Variants in NFATC2 observed in about 807,000 individuals in gnomAD.
NFATC2 encodes the protein nuclear factor of activated T cells 2.
In NFATC2, 22 loss-of-function variants were observed where a neutral mutation model predicts 87.3. The observed-to-expected ratio is 0.25, with a 90% CI of 0.18 to 0.36. NFATC2 has a LOEUF of 0.36. Among genes scored for constraint, NFATC2 ranks in the 10% least tolerant of loss-of-function variants. The pLI is 1.00. For missense variants in NFATC2, 1,149 were observed against 1,259.1 expected (o/e 0.91, Z 1.32); for synonymous variants, 565 against 542.2 (o/e 1.04, Z -0.58).
At chr20:51,540,335 G>A (rs532852439) in intron 1 of NFATC2, among the ~76,000 whole-genome samples, 28 of 152,264 alleles carry the variant, frequency 1.8e-4, no homozygotes, top group African/African-American at 6.7e-4. Context: ...CTCTTGATAC[G>A]ATGTGATGAG....
At chr20:51,398,007 G>A (rs1036058823) in intron 10 of NFATC2, among the ~76,000 whole-genome samples, 1 of 152,186 alleles carries the variant, frequency 6.6e-6, no homozygotes, top group Non-Finnish European at 1.5e-5. Flanking sequence ...GCTCCTCTGT[G>A]GAGGCCCATC....
intron 9 of NFATC2, among the ~76,000 whole-genome samples, chr20:51,420,627 C>T (rs1980741195): frequency 6.6e-6 from 1 of 151,990 alleles, no homozygotes; most frequent in Middle Eastern, 3.2e-3. Flanking sequence ...GGGGAAGAAC[C>T]TCCCCATCAA....
At chr20:51,475,377 G>C in intron 4 of NFATC2, 81 bp downstream of exon 4, 1 of 1,349,878 alleles carries the variant, frequency 7.4e-7, no homozygotes, top group Non-Finnish European at 1.1e-6. Flanking sequence ...GTTCTGTAGA[G>C]TCCCCTCTCC....
chr20:51,517,308 G>T (rs549375431), intron 2 of NFATC2, among the ~76,000 whole-genome samples: 13 of 152,248 alleles, frequency 8.5e-5, no homozygotes, highest in Admixed American at 7.8e-4. Flanking sequence ...ACAGTATTAT[G>T]GCTGGGTGTG....
At chr20:51,444,953 C>T (rs1190035168) in intron 6 of NFATC2, among the ~76,000 whole-genome samples, 1 of 152,158 alleles carries the variant, frequency 6.6e-6, no homozygotes, top group Non-Finnish European at 1.5e-5. Context: ...TCCTGCCCCA[C>T]TACTTCCTTG....
intron 3 of NFATC2, among the ~76,000 whole-genome samples, chr20:51,482,445 C>A (rs1308311853): frequency 3.3e-5 from 5 of 152,024 alleles, no homozygotes; most frequent in African/African-American, 9.7e-5. Context: ...AAAAAGAATA[C>A]CCCTTGAAAA....
At chr20:51,435,679 A>G in intron 7 of NFATC2, 27 bp downstream of exon 7, 1 of 1,602,224 alleles carries the variant, frequency 6.2e-7, no homozygotes. Flanking sequence ...GGGGATTGAG[A>G]GACACTCAGG....
At chr20:51,477,492 T>A (rs987204384) in intron 3 of NFATC2, among the ~76,000 whole-genome samples, 1 of 143,610 alleles carries the variant, frequency 7.0e-6, no homozygotes, top group African/African-American at 2.5e-5. Flanking sequence ...ATATTTAAAA[T>A]ATATATATAT....
chr20:51,428,090 G>A (rs1195920646), intron 9 of NFATC2, among the ~76,000 whole-genome samples: 1 of 151,940 alleles, frequency 6.6e-6, no homozygotes, highest in African/African-American at 2.4e-5. Flanking sequence ...CAAGGACACA[G>A]AGGAAGGGAG....
In NFATC2 at chr20:51,397,387, T is replaced by C. The variant is rs577480103; in HGVS notation, c.*44+1256A>G. On this transcript the variant is annotated intron_variant, in intron 10 of 10. Transcript: ENST00000371564. ...TAGGACTGTAGCCCAGAGCTGTGGG[T>C]GGGGTCTGAAGAGTGATGGTGGAAC... Among the ~76,000 whole-genome samples, 4 of 152,172 alleles carry C rather than the reference T, an allele frequency of 2.6e-5. No individual in the cohort carries two copies. In the East Asian group the frequency reaches 5.8e-4, roughly 22 times the overall value.
chr20:51,453,569 A>T (rs914105109), intron 6 of NFATC2, among the ~76,000 whole-genome samples: 1 of 152,252 alleles, frequency 6.6e-6, no homozygotes, highest in African/African-American at 2.4e-5. Flanking sequence ...CATTTGTTTC[A>T]TTAATTATTG....
upstream of NFATC2, among the ~76,000 whole-genome samples, chr20:51,545,953 C>G (rs77015942): frequency 2.2e-3 from 330 of 152,278 alleles, 3 homozygotes; most frequent in African/African-American, 7.8e-3. Flanking sequence ...GTTTGACTCT[C>G]CTTAAAATCC....
intron 3 of NFATC2, among the ~76,000 whole-genome samples, chr20:51,497,736 G>A (rs1197038436): frequency 2.0e-4 from 30 of 152,136 alleles, no homozygotes; most frequent in Admixed American, 2.0e-3. Context: ...TTGAGAACAG[G>A]AAGAAGATGG....
At chr20:51,553,296 C>G (rs1006011245) in intron 1 of NFATC2, among the ~76,000 whole-genome samples, 5 of 152,212 alleles carry the variant, frequency 3.3e-5, no homozygotes, top group Non-Finnish European at 7.3e-5. Context: ...GGTCCCCGCA[C>G]AACTACTTTG....
At position 51,472,459 on chromosome 20, in the gene NFATC2, C is replaced by T. The variant is rs76095596; in HGVS notation, c.1708+1521G>A. ...TCTGTAGGAAGTTGATATTGTGACACCTAGTTATGGTAAAATGTCCAGCAA... is the reference window on the plus strand; with the variant it reads ...TCTGTAGGAAGTTGATATTGTGACATCTAGTTATGGTAAAATGTCCAGCAA... On this transcript the variant is annotated intron_variant, in intron 5 of 10. Coordinates refer to ENST00000371564, the MANE Select transcript of NFATC2 (RefSeq NM_012340.5). Among the ~76,000 whole-genome samples the T allele has an allele frequency of 9.5e-3, 1,444 of 151,856 alleles. 51 individuals carry two copies. In the East Asian group the frequency reaches 0.13, roughly 14 times the overall value.
chr20:51,536,844 T>C (rs1372385611), intron 1 of NFATC2, among the ~76,000 whole-genome samples: 2 of 152,216 alleles, frequency 1.3e-5, no homozygotes, highest in African/African-American at 4.8e-5. Flanking sequence ...GAATGTCACA[T>C]GTGTTTAGTG....
rs1989444800 is a variant in NFATC2 at position 51,483,488 on chromosome 20, C to T, written c.1333-7828G>A. 2.6e-5 allele frequency among the ~76,000 whole-genome samples: 4 copies of T among 151,916 alleles called. No homozygotes were observed. The South Asian group carries it at 6.2e-4, about 24-fold the overall frequency. Reference sequence around the variant, plus strand: ...GGAAGAGGACTGCAATTCCCCATGGCCATGCAGCACATGGGGAGAAAATTT... The same window carrying T: ...GGAAGAGGACTGCAATTCCCCATGGTCATGCAGCACATGGGGAGAAAATTT... On this transcript the variant is annotated intron_variant, in intron 3 of 10. Coordinates refer to ENST00000371564, the MANE Select transcript of NFATC2 (RefSeq NM_012340.5).
intron 9 of NFATC2, 116 bp downstream of exon 9, chr20:51,431,950 TG>T: frequency 3.7e-6 from 4 of 1,087,100 alleles, no homozygotes; most frequent in Non-Finnish European, 3.8e-6. Flanking sequence ...TAAATTAAAA[TG>T]GGGACACTGA....
chr20:51,387,814 A>T lies in NFATC2; in HGVS notation c.*3682T>A, dbSNP rs1018845250. 2 of 151,962 alleles carry T rather than the reference A, an allele frequency of 1.3e-5. No homozygotes were observed. The highest frequency in any genetic ancestry group is 2.4e-5 in the African/African-American group (1 of 41,344). 9.4% of individuals were successfully genotyped at this position (151,962 alleles called of 1,614,324 possible). A position where few individuals can be genotyped will look rare whatever the true frequency, so the allele number is the denominator to read the frequency against. On this transcript the variant is annotated 3_prime_UTR_variant, in exon 11 of 11. Coordinates refer to ENST00000371564, the MANE Select transcript of NFATC2 (RefSeq NM_012340.5). Reference sequence around the variant, plus strand: ...CATGCCTCTTGTAAACTTGAAATGAAAACATTCTTTCAATTCTGAGCAATA... The same window carrying T: ...CATGCCTCTTGTAAACTTGAAATGATAACATTCTTTCAATTCTGAGCAATA...
Sources: gnomAD v4.1 joint callset for allele counts (sites outside exome capture counted in the v4.1 genomes callset) on GRCh38, gnomAD v4.1.1 for gene constraint, MANE v1.5 for transcripts, NCBI Gene and HGNC (gene_info 2026-07-23, HGNC 2026-07-21) for gene names.